PEX14: variants seen among roughly 807,000 people sequenced by gnomAD.
The protein encoded by PEX14 is peroxisomal membrane protein PEX14.
A neutral mutation model predicts 49.5 loss-of-function variants in PEX14; 15 were observed. That is an observed-to-expected ratio of 0.30 (90% confidence interval 0.20 to 0.47). The LOEUF is 0.47. PEX14 is among the 20% of genes least tolerant of loss of function. The probability of loss-of-function intolerance (pLI) is 1.00; values close to 1 mark genes in which losing one functional copy is unlikely to be tolerated. For synonymous variants in PEX14, 210 were observed against 212.7 expected, an observed-to-expected ratio of 0.99 and a Z score of 0.11; for missense variants, 398 against 494.8, an observed-to-expected ratio of 0.80 and a Z score of 1.86.
chr1:10,579,398 T>G (rs1640245239), intron 3 of PEX14, among the ~76,000 whole-genome samples: 1 of 152,168 alleles, frequency 6.6e-6, no homozygotes. Context: ...GTGTGAGATC[T>G]TCCCATTGAA....
chr1:10,585,605 C>T (rs927217400), intron 3 of PEX14, among the ~76,000 whole-genome samples: 3 of 152,194 alleles, frequency 2.0e-5, no homozygotes, highest in Non-Finnish European at 4.4e-5. Context: ...GGTAGTAATA[C>T]CAGACAAGGT....
chr1:10,509,384 GT>G (rs1161859879), intron 2 of PEX14, among the ~76,000 whole-genome samples: 1 of 152,220 alleles, frequency 6.6e-6, no homozygotes, highest in Non-Finnish European at 1.5e-5. Context: ...TATAATTTCT[GT>G]TTATCAAATG....
Position 10,513,046 on chromosome 1 carries a change from G to A in PEX14, c.84+17725G>A, listed in dbSNP as rs568836232. 3.9e-5 allele frequency among the ~76,000 whole-genome samples: 6 copies of A among 152,292 alleles called. No individual in the cohort carries two copies. In the South Asian group the frequency reaches 1.2e-3, roughly 32 times the overall value. ...TTTGGTCTCTTTTGGCCTTCAGGGT[G>A]AGCCATCCTTTGACTTATATTAGAA... On this transcript the variant is annotated intron_variant, in intron 2 of 8. Coordinates refer to ENST00000356607, the MANE Select transcript of PEX14 (RefSeq NM_004565.3).
At chr1:10,626,236 C>T (rs1641741233) in intron 7 of PEX14, among the ~76,000 whole-genome samples, 2 of 152,240 alleles carry the variant, frequency 1.3e-5, no homozygotes, top group African/African-American at 4.8e-5. Flanking sequence ...AATCTGAGTC[C>T]CTTGTAGGCC....
intron 2 of PEX14, among the ~76,000 whole-genome samples, chr1:10,520,145 C>CTTTTTTTTTTTTTTTTTTTTTT: frequency 1.6e-5 from 1 of 64,448 alleles, no homozygotes; most frequent in Admixed American, 2.2e-4. Flanking sequence ...TGGCCTTCTT[C>CTTTTTTTTTTTTTTTTTTTTTT]TTCTTTTTTT....
intron 3 of PEX14, among the ~76,000 whole-genome samples, chr1:10,579,720 A>T (rs568305408): frequency 6.6e-6 from 1 of 152,096 alleles, no homozygotes; most frequent in Non-Finnish European, 1.5e-5. Flanking sequence ...TGGCGTCTGT[A>T]AACTGCCATG....
At chr1:10,594,232 A>AT (rs1274069799) in intron 3 of PEX14, among the ~76,000 whole-genome samples, 3 of 151,902 alleles carry the variant, frequency 2.0e-5, no homozygotes, top group East Asian at 1.9e-4. Context: ...GAGAGAGTTG[A>AT]TTTTTTTCTT....
At chr1:10,538,977 TTTCC>T (rs1638919633) in intron 3 of PEX14, among the ~76,000 whole-genome samples, 1 of 152,240 alleles carries the variant, frequency 6.6e-6, no homozygotes, top group East Asian at 1.9e-4. Context: ...TAAACATCTC[TTTCC>T]TGAAAAGGCA....
At chr1:10,561,636 C>T (rs1337377893) in intron 3 of PEX14, among the ~76,000 whole-genome samples, 8 of 152,086 alleles carry the variant, frequency 5.3e-5, no homozygotes, top group Non-Finnish European at 8.8e-5. Context: ...GTACATTTTC[C>T]CTTTTGTAAT....
intron 1 of PEX14, among the ~76,000 whole-genome samples, chr1:10,479,040 T>C (rs1257487758): frequency 6.6e-6 from 1 of 151,548 alleles, no homozygotes; most frequent in African/African-American, 2.4e-5. Flanking sequence ...TGTGAGCCAC[T>C]GTGCCTGGCC....
chr1:10,596,763 T>C (rs902036969), intron 3 of PEX14, among the ~76,000 whole-genome samples: 4 of 152,216 alleles, frequency 2.6e-5, no homozygotes, highest in African/African-American at 7.2e-5. Context: ...GTTAAAACGC[T>C]TACTTTTAAA....
At chr1:10,569,566 T>C (rs1639912278) in intron 3 of PEX14, among the ~76,000 whole-genome samples, 1 of 152,182 alleles carries the variant, frequency 6.6e-6, no homozygotes, top group African/African-American at 2.4e-5. Context: ...CCAACTTCCA[T>C]GTGGTCTTTC....
chr1:10,612,452 G>T (rs893236291), intron 4 of PEX14, among the ~76,000 whole-genome samples: 1 of 152,054 alleles, frequency 6.6e-6, no homozygotes, highest in African/African-American at 2.4e-5. Context: ...ATGAAAAGTG[G>T]AAAAGATTGT....
At chr1:10,561,187 T>C (rs1401436299) in intron 3 of PEX14, among the ~76,000 whole-genome samples, 1 of 152,210 alleles carries the variant, frequency 6.6e-6, no homozygotes, top group Non-Finnish European at 1.5e-5. Context: ...AACCACACCA[T>C]GTTACCACAT....
intron 3 of PEX14, among the ~76,000 whole-genome samples, chr1:10,563,916 A>G (rs200464868): frequency 2.0e-5 from 1 of 50,842 alleles, no homozygotes; most frequent in Non-Finnish European, 5.9e-5. Flanking sequence ...GTCTCAAAAA[A>G]GAAAAAAAAA....
chr1:10,489,511 A>C (rs1470523624), intron 1 of PEX14, among the ~76,000 whole-genome samples: 2 of 152,040 alleles, frequency 1.3e-5, no homozygotes, highest in Non-Finnish European at 2.9e-5. Flanking sequence ...CTGTGAGGAC[A>C]CTCCAGTCTG....
intron 3 of PEX14, 119 bp from the exon 4 acceptor site, chr1:10,599,119 A>C (rs1050147673): frequency 2.0e-5 from 21 of 1,027,282 alleles, no homozygotes; most frequent in Non-Finnish European, 3.2e-5. Context: ...TCGGGGAGGC[A>C]ACTTACTAGG....
chr1:10,538,761 T>A (rs962069258), intron 3 of PEX14, among the ~76,000 whole-genome samples: 1 of 152,178 alleles, frequency 6.6e-6, no homozygotes, highest in Non-Finnish European at 1.5e-5. Flanking sequence ...GCAAATTGGC[T>A]CGCTGGCCGT....
At position 10,505,597 on chromosome 1, in the gene PEX14, C is replaced by T. The variant is rs1641768147; in HGVS notation, c.84+10276C>T. ...CCCACCGTGTTGGCCAGGCTGGTCA[C>T]AGTCTCCTGGGCTCAAGTGAACCTT... On this transcript the variant is annotated intron_variant, in intron 2 of 8. Transcript: ENST00000356607. Among the ~76,000 whole-genome samples the T allele has an allele frequency of 3.3e-5, 5 of 150,872 alleles. No individual in the cohort carries two copies. In the South Asian group the frequency reaches 1.1e-3, roughly 32 times the overall value.
Sources: gnomAD v4.1 joint callset for allele counts (sites outside exome capture counted in the v4.1 genomes callset) on GRCh38, gnomAD v4.1.1 for gene constraint, MANE v1.5 for transcripts, NCBI Gene and HGNC (gene_info 2026-07-23, HGNC 2026-07-21) for gene names.